ANKRD36: variants seen among roughly 807,000 people sequenced by gnomAD.
ANKRD36 encodes the protein ankyrin repeat domain 36, also known as ankyrin repeat domain-containing protein 36A.
ANKRD36 carries 179 observed loss-of-function variants against 278.1 expected under a neutral mutation model. The ratio of observed to expected loss-of-function variants is 0.64; its 90% CI spans 0.57 to 0.73. The LOEUF (loss-of-function observed/expected upper bound fraction) is 0.73, where lower values mean the gene tolerates loss of function less well. ANKRD36 is among the 30% of genes least tolerant of loss of function. The pLI is 0.00. For missense variants in ANKRD36, 1,159 were observed against 1,956.7 expected (o/e 0.59, Z 7.69); for synonymous variants, 320 against 641.1 (o/e 0.50, Z 7.57).
intron 58 of ANKRD36, among the ~76,000 whole-genome samples, chr2:97,212,235 T>C (rs1428822633): frequency 6.6e-6 from 1 of 151,906 alleles, no homozygotes; most frequent in Non-Finnish European, 1.5e-5. Flanking sequence ...AAAGTAGTTA[T>C]TTATGTAATT....
At chr2:97,176,570 T>C (rs2054321093) in intron 22 of ANKRD36, among the ~76,000 whole-genome samples, 1 of 148,726 alleles carries the variant, frequency 6.7e-6, no homozygotes, top group African/African-American at 2.4e-5. Flanking sequence ...GGATCTTGAC[T>C]CTTTATCCAA....
At chr2:97,201,382 A>T (rs1156960268) in intron 46 of ANKRD36, among the ~76,000 whole-genome samples, 18 of 151,928 alleles carry the variant, frequency 1.2e-4, no homozygotes, top group African/African-American at 4.8e-5. Flanking sequence ...GTTGCATTCC[A>T]ATTAAGTCCT....
At position 97,199,112 on chromosome 2, in the gene ANKRD36, T is replaced by C. The variant is rs142608961; in HGVS notation, c.2755+454T>C. ...GTAGCAACTATTTTCCTAAGGAAGA[T>C]GGATTGTGAGACAGGAAGGTGTGAA... On this transcript the variant is annotated intron_variant, in intron 44 of 75. Transcript: ENST00000420699. 3.7e-3 allele frequency among the ~76,000 whole-genome samples: 569 copies of C among 151,908 alleles called. 19 individuals are homozygous for C. In the East Asian group the frequency reaches 0.059, roughly 16 times the overall value.
At chr2:97,187,131 C>T (rs930782379) in intron 30 of ANKRD36, 67 bp from the exon 31 acceptor site, 181 of 1,572,720 alleles carry the variant, frequency 1.2e-4, no homozygotes, top group African/African-American at 8.2e-4. Context: ...ATGCTAACAC[C>T]GCATGAATGT....
chr2:97,170,540 C>A (rs2052143127), intron 22 of ANKRD36, among the ~76,000 whole-genome samples: 1 of 151,930 alleles, frequency 6.6e-6, no homozygotes, highest in African/African-American at 2.4e-5. Context: ...CTTCCTTACA[C>A]CTCATACAAA....
intron 67 of ANKRD36, among the ~76,000 whole-genome samples, chr2:97,233,031 G>T (rs1176349591): frequency 1.3e-5 from 2 of 151,560 alleles, no homozygotes; most frequent in Non-Finnish European, 1.5e-5. Flanking sequence ...AAAAGATGAT[G>T]GTGTTTCTGT....
intron 56 of ANKRD36, among the ~76,000 whole-genome samples, chr2:97,210,173 A>C (rs912486342): frequency 3.0e-4 from 45 of 151,836 alleles, no homozygotes; most frequent in African/African-American, 1.0e-3. Flanking sequence ...GCTTGTTTTC[A>C]GTAAGGGTGG....
rs3878988 is a variant in ANKRD36, at chr2:97,113,278, G to A, written c.-462G>A. 1.3e-5 allele frequency among the ~76,000 whole-genome samples: 2 copies of A among 152,092 alleles called. No individual in the cohort carries two copies. Among genetic ancestry groups the A allele is most frequent in the African/African-American group, 4.8e-5 (2 of 41,448 alleles). ...CCCGGGGGCGACGCAGTGGCGAAGT[G>A]GGGCTGTGGGCCCAGCGGTGGCACC... On this transcript the variant is annotated 5_prime_UTR_variant, in exon 1 of 76. Transcript: ENST00000420699.
rs2034233452 is a variant in ANKRD36, at chr2:97,113,756, G to A, written c.17G>A (p.Arg6Gln). 4 of 1,612,658 alleles carry A rather than the reference G, an allele frequency of 2.5e-6. No individual in the cohort carries two copies. Among genetic ancestry groups the A allele is most frequent in the Non-Finnish European group, 3.4e-6 (4 of 1,179,946 alleles). MEDGK[R>Q]ERWPTLMERL... ...CCGACGATTATGGAAGACGGCAAGC[G>A]GGAGAGGTGGCCCACCCTCATGGAG... The change falls in exon 1 of 76, where the codon CGG (arginine) becomes CAG (glutamine). Residue 6 changes from arginine to glutamine, a missense_variant. Arg to Gln is a conservative substitution (Grantham distance 43, BLOSUM62 1). Coordinates refer to ENST00000420699, the MANE Select transcript of ANKRD36 (RefSeq NM_001354587.1).
At position 97,151,917 on chromosome 2, in the gene ANKRD36, T is replaced by C. The variant is rs1295132648; in HGVS notation, c.1140T>C (p.Ile380=). 5 of 1,453,522 alleles carry C rather than the reference T, an allele frequency of 3.4e-6. No homozygotes were observed. In the South Asian group the frequency reaches 6.2e-5, roughly 18 times the overall value. 90.0% of individuals were successfully genotyped at this position (1,453,522 alleles called of 1,614,324 possible). A position where few individuals can be genotyped will look rare whatever the true frequency, so the allele number is the denominator to read the frequency against. ...SKLYIPKRKI[I]SPRSIKDVLP... is the part of the protein sequence containing the mutation. ...TATACATCCCAAAGAGAAAGATTAT[T>C]TCTCCACGATCTATAAAAGATGGTA... The change falls in exon 13 of 76, where the codon ATT becomes ATC. Residue 380 remains isoleucine, a synonymous_variant. Coordinates refer to ENST00000420699, the MANE Select transcript of ANKRD36 (RefSeq NM_001354587.1).
At chr2:97,154,342 TTTAGGGTAGATAATTTATA>T (rs1306835614) in intron 14 of ANKRD36, among the ~76,000 whole-genome samples, 8 of 149,126 alleles carry the variant, frequency 5.4e-5, no homozygotes, top group African/African-American at 1.9e-4. Context: ...CAGTTTAGTC[TTTAGGGTAGATAATTTATA>T]AGGACAAATT....
At position 97,190,995 on chromosome 2, in the gene ANKRD36, C is replaced by T. The variant is rs777480683; in HGVS notation, c.2263C>T (p.Pro755Ser). ...KSGTVSSQKQ[P>S]ALKATTDEKD... ...CTTTTCAGTGTCTTCTCAGAAACAA[C>T]CAGCCTTGAAGGTAATTAAACTCTC... is the stretch of plus-strand genomic sequence containing the variant. The change falls in exon 35 of 76, where the codon CCA (proline) becomes TCA (serine). Residue 755 changes from proline to serine, a missense_variant. Physicochemically the swap from Pro to Ser is moderately conservative, Grantham distance 74 (BLOSUM62 -1). Transcript: ENST00000420699. 6.9e-6 allele frequency: 11 copies of T among 1,604,848 alleles called. 2 individuals are homozygous for T. The South Asian group carries it at 1.2e-4, about 18-fold the overall frequency.
chr2:97,203,550 G>T (rs557819253), intron 48 of ANKRD36, among the ~76,000 whole-genome samples: 8 of 151,948 alleles, frequency 5.3e-5, no homozygotes, highest in Non-Finnish European at 7.4e-5. Context: ...GGTGATGAAT[G>T]TAGGACACTT....
intron 70 of ANKRD36, 48 bp downstream of exon 70, chr2:97,244,077 T>A (rs546783197): frequency 8.0e-6 from 12 of 1,505,866 alleles, no homozygotes; most frequent in Admixed American, 4.2e-5. Flanking sequence ...TTATTAATAT[T>A]ACTTATACCA....
Position 97,191,018 on chromosome 2 carries a change from C to T in ANKRD36, c.2274+12C>T, listed in dbSNP as rs572313726. ...AACCAGCCTTGAAGGTAATTAAACT[C>T]TCATTTATATTGTGAACTAGTAAAT... On this transcript the variant is annotated intron_variant, in intron 35 of 75. Coordinates refer to ENST00000420699, the MANE Select transcript of ANKRD36 (RefSeq NM_001354587.1). 6.0e-5 allele frequency: 97 copies of T among 1,604,980 alleles called. 1 individual carries two copies. In the South Asian group the frequency reaches 1.0e-3, roughly 17 times the overall value.
At position 97,183,759 on chromosome 2, in the gene ANKRD36, T is replaced by C. The variant is rs952955291; in HGVS notation, c.1939+105T>C. ...TGTCATTGAAAATGCACTTTCTGAT[T>C]CAGCAGGCCTGAGATTATGCATTTC... On this transcript the variant is annotated intron_variant, in intron 28 of 75. Coordinates refer to ENST00000420699, the MANE Select transcript of ANKRD36 (RefSeq NM_001354587.1). 11 of 1,389,998 alleles carry C rather than the reference T, an allele frequency of 7.9e-6. No individual in the cohort carries two copies. The African/African-American group carries it at 1.6e-4, about 20-fold the overall frequency. The allele number at this position is 1,389,998 out of a possible 1,614,324, so 86.1% of individuals were successfully genotyped here.
chr2:97,221,620 G>T (rs2067705923), intron 66 of ANKRD36, among the ~76,000 whole-genome samples: 1 of 148,308 alleles, frequency 6.7e-6, no homozygotes, highest in African/African-American at 2.5e-5. Context: ...CTTTTTGATG[G>T]GGTTGTTTGT....
chr2:97,178,906 T>C (rs1285584652), intron 22 of ANKRD36, among the ~76,000 whole-genome samples: 3 of 151,666 alleles, frequency 2.0e-5, no homozygotes, highest in Non-Finnish European at 4.4e-5. Flanking sequence ...GTGAAAATAA[T>C]GTTGAATTCA....
intron 6 of ANKRD36, among the ~76,000 whole-genome samples, chr2:97,142,330 G>C (rs887567581): frequency 6.6e-6 from 1 of 151,990 alleles, no homozygotes; most frequent in Non-Finnish European, 1.5e-5. Context: ...TTGCTTCTCT[G>C]TTTTTAGACC....
Sources: gnomAD v4.1 joint callset for allele counts (sites outside exome capture counted in the v4.1 genomes callset) on GRCh38, gnomAD v4.1.1 for gene constraint, MANE v1.5 for transcripts, NCBI Gene and HGNC (gene_info 2026-07-23, HGNC 2026-07-21) for gene names.